MYO10: variants seen among roughly 807,000 people sequenced by gnomAD.
MYO10 encodes myosin X.
MYO10 carries 133 observed loss-of-function variants against 257.3 expected under a neutral mutation model. The observed-to-expected ratio is 0.52, with a 90% CI of 0.45 to 0.60. MYO10 has a LOEUF of 0.60. Among genes scored for constraint, MYO10 ranks in the 20% least tolerant of loss-of-function variants. The pLI, the probability that MYO10 is intolerant of heterozygous loss-of-function variation, is 0.00. For synonymous variants in MYO10, 1,104 were observed against 1,028.6 expected, an observed-to-expected ratio of 1.07 and a Z score of -1.40; for missense variants, 2,399 against 2,635.7, an observed-to-expected ratio of 0.91 and a Z score of 1.97.
In MYO10 at chr5:16,670,487, G is replaced by A. The variant is rs375183953; in HGVS notation, c.5883+39C>T. 1.1e-5 allele frequency: 17 copies of A among 1,533,536 alleles called. No individual in the cohort carries two copies. In the African/African-American group the frequency reaches 2.3e-4, roughly 21 times the overall value. 95.0% of individuals were successfully genotyped at this position (1,533,536 alleles called of 1,614,324 possible). On this transcript the variant is annotated intron_variant, in intron 39 of 40. Transcript: ENST00000513610. ...CCGTGATCCATGTTCTCAGATGCCA[G>A]CACCCAGCCCACCCCAACACACGGC...
chr5:16,673,968 C>T, intron 35 of MYO10, 79 bp from the exon 36 acceptor site: 1 of 1,318,364 alleles, frequency 7.6e-7, no homozygotes, highest in South Asian at 1.2e-5. Context: ...TGCCAAGGTT[C>T]TGTAGACCAA....
intron 2 of MYO10, among the ~76,000 whole-genome samples, chr5:16,874,902 A>G (rs1337038773): frequency 6.6e-6 from 1 of 152,180 alleles, no homozygotes; most frequent in Non-Finnish European, 1.5e-5. Context: ...TTGGACTTAC[A>G]GTTCCACATG....
chr5:16,840,694 G>A (rs548052868), intron 2 of MYO10, among the ~76,000 whole-genome samples: 18 of 151,760 alleles, frequency 1.2e-4, no homozygotes, highest in Non-Finnish European at 7.4e-5. Context: ...ATAAAAAAAT[G>A]CAATATGCAT....
intron 2 of MYO10, among the ~76,000 whole-genome samples, chr5:16,874,237 G>C (rs927652368): frequency 6.6e-6 from 1 of 151,108 alleles, no homozygotes; most frequent in Non-Finnish European, 1.5e-5. Flanking sequence ...AGGAGGCTGA[G>C]GCAGGAGAAT....
chr5:16,895,793 CACA>C (rs1745200871), intron 1 of MYO10, among the ~76,000 whole-genome samples: 1 of 127,420 alleles, frequency 7.8e-6, no homozygotes, highest in Non-Finnish European at 1.8e-5. Context: ...CACACACACA[CACA>C]CACACACTCT....
At chr5:16,761,401 A>T in intron 17 of MYO10, 63 bp downstream of exon 17, 3 of 1,299,668 alleles carry the variant, frequency 2.3e-6, no homozygotes, top group Non-Finnish European at 3.3e-6. Flanking sequence ...TTTGTGAATT[A>T]AAAGCATTTG....
At chr5:16,844,773 CA>C (rs1214195243) in intron 2 of MYO10, among the ~76,000 whole-genome samples, 1 of 144,270 alleles carries the variant, frequency 6.9e-6, no homozygotes, top group African/African-American at 2.6e-5. Context: ...TATGCTCAAT[CA>C]ATAGATTTTA....
At chr5:16,914,034 C>G (rs1745745600) in intron 1 of MYO10, among the ~76,000 whole-genome samples, 1 of 152,172 alleles carries the variant, frequency 6.6e-6, no homozygotes, top group South Asian at 2.1e-4. Context: ...CCTGAAGATA[C>G]CAACTTCAGT....
chr5:16,787,755 C>G (rs1054768253), intron 4 of MYO10, among the ~76,000 whole-genome samples: 2 of 152,054 alleles, frequency 1.3e-5, no homozygotes, highest in African/African-American at 2.4e-5. Context: ...AAGACAGTTC[C>G]TAAGCAGGAG....
rs1380909379 is a variant in MYO10, at chr5:16,663,242, T to G, written c.*3450A>C. 7.0e-6 allele frequency: 1 copy of G among 143,016 alleles called. No individual in the cohort carries two copies. Among genetic ancestry groups the G allele is most frequent in the Non-Finnish European group, 1.5e-5 (1 of 66,072 alleles). The allele number at this position is 143,016 out of a possible 1,614,324, so 8.9% of individuals were successfully genotyped here. A position where few individuals can be genotyped will look rare whatever the true frequency, so the allele number is the denominator to read the frequency against. On this transcript the variant is annotated 3_prime_UTR_variant, in exon 41 of 41. Transcript: ENST00000513610. ...AAATTATTTTTGAGAGAATATTCAATAAAACAGTAAAAATAGCTGTTTCTG... is the reference window on the plus strand; with the variant it reads ...AAATTATTTTTGAGAGAATATTCAAGAAAACAGTAAAAATAGCTGTTTCTG...
At chr5:16,703,562 T>C (rs557458500) in intron 22 of MYO10, among the ~76,000 whole-genome samples, 30 of 152,250 alleles carry the variant, frequency 2.0e-4, no homozygotes, top group Middle Eastern at 3.4e-3. Flanking sequence ...GCATAGTGGA[T>C]GCAACTAAAA....
At chr5:16,768,964 C>T in intron 10 of MYO10, 110 bp downstream of exon 10, 1 of 1,352,870 alleles carries the variant, frequency 7.4e-7, no homozygotes. Context: ...GCAAGAGCCA[C>T]CGCACCTGGC....
chr5:16,877,207 C>T (rs746496817), intron 2 of MYO10, among the ~76,000 whole-genome samples: 1 of 152,198 alleles, frequency 6.6e-6, no homozygotes, highest in Non-Finnish European at 1.5e-5. Context: ...GACTAAGACA[C>T]TACGAAAGTT....
Position 16,699,438 on chromosome 5 carries a change from C to A in MYO10, c.3556+12G>T, listed in dbSNP as rs774846239. 6.2e-7 allele frequency: 1 copy of A among 1,612,930 alleles called. No homozygotes were observed. Among genetic ancestry groups the A allele is most frequent in the South Asian group, 1.1e-5 (1 of 90,992 alleles). On this transcript the variant is annotated intron_variant, in intron 26 of 40. Transcript: ENST00000513610. Reference sequence around the variant, plus strand: ...CCCCCTAACCCAGACTCCATGGCGGCTGCAGTCATACCTTTCATGTACAGA... The same window carrying A: ...CCCCCTAACCCAGACTCCATGGCGGATGCAGTCATACCTTTCATGTACAGA...
intron 10 of MYO10, among the ~76,000 whole-genome samples, chr5:16,767,720 C>T (rs1188598046): frequency 6.6e-6 from 1 of 151,886 alleles, no homozygotes; most frequent in Non-Finnish European, 1.5e-5. Flanking sequence ...CTTTGTCACC[C>T]AGGCTATAGT....
chr5:16,926,000 C>T (rs2562362), intron 1 of MYO10, among the ~76,000 whole-genome samples: 68,418 of 151,960 alleles, frequency 0.45, 15,753 homozygotes, highest in African/African-American at 0.53. Flanking sequence ...TTAACATTAA[C>T]TGATTGTACA....
chr5:16,839,695 C>T (rs555070412), intron 2 of MYO10, among the ~76,000 whole-genome samples: 17 of 152,184 alleles, frequency 1.1e-4, no homozygotes, highest in Non-Finnish European at 1.9e-4. Context: ...GAGCCGAGAT[C>T]GCACTACTGC....
chr5:16,744,317 C>T (rs559279825), intron 19 of MYO10, among the ~76,000 whole-genome samples: 1 of 152,282 alleles, frequency 6.6e-6, no homozygotes, highest in East Asian at 1.9e-4. Context: ...CATAACCACC[C>T]TCCCTCAGTA....
chr5:16,772,546 A>C (rs900718044), intron 9 of MYO10, among the ~76,000 whole-genome samples: 2 of 152,246 alleles, frequency 1.3e-5, no homozygotes, highest in Non-Finnish European at 1.5e-5. Flanking sequence ...TATTTTTAAA[A>C]TGCAGTCTGG....
Sources: gnomAD v4.1 joint callset for allele counts (sites outside exome capture counted in the v4.1 genomes callset) on GRCh38, gnomAD v4.1.1 for gene constraint, MANE v1.5 for transcripts, NCBI Gene and HGNC (gene_info 2026-07-23, HGNC 2026-07-21) for gene names.